Variants in LHPP observed in about 807,000 individuals in gnomAD.
LHPP encodes the protein hLHPP.
A neutral mutation model predicts 30.3 loss-of-function variants in LHPP; 24 were observed. The ratio of observed to expected loss-of-function variants is 0.79; its 90% CI spans 0.57 to 1.11. LHPP has a LOEUF of 1.11. Among genes scored for constraint, LHPP ranks in the 50% most tolerant of loss-of-function variants. The pLI is 0.00. For synonymous variants in LHPP, 150 were observed against 157.1 expected, an observed-to-expected ratio of 0.95 and a Z score of 0.34; for missense variants, 356 against 367.2, an observed-to-expected ratio of 0.97 and a Z score of 0.25.
Position 124,496,442 on chromosome 10 carries a change from C to G in LHPP, c.468-519C>G, listed in dbSNP as rs564166843. ...GTTGTCTTCTCATAAAAGCATCTGG[C>G]GCCCATGAAACCTGGCACCTCGCTT... On this transcript the variant is annotated intron_variant, in intron 3 of 6. Transcript: ENST00000368842. This position sits in a 1 kb window ranked among gnomAD's most constrained non-coding sequence, Gnocchi z 4.3. Among the ~76,000 whole-genome samples the G allele has an allele frequency of 6.6e-6, 1 of 152,180 alleles. No individual in the cohort carries two copies. The highest frequency in any genetic ancestry group is 1.5e-5 in the Non-Finnish European group (1 of 68,038).
chr10:124,595,343 A>G (rs1012801197), intron 6 of LHPP, among the ~76,000 whole-genome samples: 8 of 152,242 alleles, frequency 5.3e-5, no homozygotes, highest in Admixed American at 1.3e-4. Flanking sequence ...GTTGTCCCCC[A>G]TGGAGCCACA....
intron 6 of LHPP, among the ~76,000 whole-genome samples, chr10:124,594,470 G>A (rs1318171995): frequency 6.6e-6 from 1 of 151,876 alleles, no homozygotes; most frequent in East Asian, 1.9e-4. Context: ...GCACATATAA[G>A]TCTTCTCTTT....
chr10:124,561,535 CA>C (rs1280232829), intron 6 of LHPP, among the ~76,000 whole-genome samples: 1 of 152,004 alleles, frequency 6.6e-6, no homozygotes, highest in Admixed American at 6.5e-5. Flanking sequence ...CCGCCCCCCC[CA>C]CAACAGTGAC....
intron 6 of LHPP, among the ~76,000 whole-genome samples, chr10:124,551,776 C>T (rs11245285): frequency 0.23 from 35,426 of 152,154 alleles, 5,106 homozygotes; most frequent in Non-Finnish European, 0.31. Context: ...TCCCCTCCAC[C>T]TGCCGGCCTT....
chr10:124,493,573 G>T (rs909624064), intron 3 of LHPP: 2 of 152,226 alleles, frequency 1.3e-5, no homozygotes, highest in Non-Finnish European at 2.9e-5. Context: ...CTGTTTACCC[G>T]ACAGACTATG....
intron 6 of LHPP, among the ~76,000 whole-genome samples, chr10:124,542,795 T>C (rs922425058): frequency 6.6e-6 from 1 of 152,144 alleles, no homozygotes; most frequent in Non-Finnish European, 1.5e-5. Flanking sequence ...CCCTCTGCCC[T>C]CTCGCCTCCC....
intron 6 of LHPP, among the ~76,000 whole-genome samples, chr10:124,564,280 C>CGG (rs113375896): frequency 0.049 from 7,386 of 152,176 alleles, 546 homozygotes; most frequent in African/African-American, 0.16. Context: ...CGCAGCACCA[C>CGG]ACCCAGCTAA....
chr10:124,528,708 G>A (rs1954807310), intron 6 of LHPP, among the ~76,000 whole-genome samples: 2 of 152,204 alleles, frequency 1.3e-5, no homozygotes, highest in Non-Finnish European at 2.9e-5. Flanking sequence ...CACGGGAGGA[G>A]GCCCAACCCT....
At chr10:124,597,891 G>C (rs1948970292) in intron 6 of LHPP, among the ~76,000 whole-genome samples, 1 of 152,206 alleles carries the variant, frequency 6.6e-6, no homozygotes, top group Non-Finnish European at 1.5e-5. Context: ...ATCAAGCACA[G>C]CTGCAAGAGG....
chr10:124,547,788 A>G (rs1174108852), intron 6 of LHPP, among the ~76,000 whole-genome samples: 1 of 152,250 alleles, frequency 6.6e-6, no homozygotes, highest in Non-Finnish European at 1.5e-5. Context: ...TTCCAGTGAT[A>G]CAGCACTTCC....
At chr10:124,502,254 G>A (rs923110542) in intron 5 of LHPP, among the ~76,000 whole-genome samples, 2 of 151,974 alleles carry the variant, frequency 1.3e-5, no homozygotes, top group Non-Finnish European at 2.9e-5. Flanking sequence ...CTGGGGACAC[G>A]TTGCATGTAG....
chr10:124,477,861 C>T (rs1007228935), intron 1 of LHPP, among the ~76,000 whole-genome samples: 1 of 152,200 alleles, frequency 6.6e-6, no homozygotes, highest in African/African-American at 2.4e-5. Flanking sequence ...CGAGGATTCC[C>T]TGCAGCCCTA....
At chr10:124,565,841 C>T (rs577785046) in intron 6 of LHPP, among the ~76,000 whole-genome samples, 8 of 152,314 alleles carry the variant, frequency 5.3e-5, no homozygotes, top group Middle Eastern at 3.4e-3. Context: ...TGCTCCAGCC[C>T]GGCGTCGGGT....
At chr10:124,486,064 G>C (rs1953315836) in intron 2 of LHPP, among the ~76,000 whole-genome samples, 1 of 152,186 alleles carries the variant, frequency 6.6e-6, no homozygotes, top group Non-Finnish European at 1.5e-5. Context: ...ATACACTTCA[G>C]CATATCATTG....
chr10:124,497,088 C>T, intron 4 of LHPP, 64 bp downstream of exon 4: 1 of 1,321,142 alleles, frequency 7.6e-7, no homozygotes, highest in Non-Finnish European at 1.1e-6. Context: ...CTTTTTGGGT[C>T]TTTGTTGAGA....
chr10:124,611,737 C>A (rs1267760226), intron 6 of LHPP, among the ~76,000 whole-genome samples: 1 of 152,176 alleles, frequency 6.6e-6, no homozygotes, highest in Non-Finnish European at 1.5e-5. Flanking sequence ...CCATGACAGT[C>A]ATTTTAGGGT....
intron 6 of LHPP, among the ~76,000 whole-genome samples, chr10:124,568,465 G>A (rs1030380662): frequency 6.6e-6 from 1 of 152,168 alleles, no homozygotes; most frequent in African/African-American, 2.4e-5. Flanking sequence ...GTGAAACCGC[G>A]CGATGAGGCC....
intron 6 of LHPP, among the ~76,000 whole-genome samples, chr10:124,594,461 C>T (rs929676257): frequency 6.6e-6 from 1 of 152,002 alleles, no homozygotes; most frequent in African/African-American, 2.4e-5. Flanking sequence ...TGGGCACGTG[C>T]ACATATAAGT....
At chr10:124,556,122 G>A (rs1948294742) in intron 6 of LHPP, among the ~76,000 whole-genome samples, 1 of 151,882 alleles carries the variant, frequency 6.6e-6, no homozygotes, top group Non-Finnish European at 1.5e-5. Context: ...GTTCCCTCTT[G>A]AAAACTTCAG....
Sources: allele counts gnomAD v4.1 joint callset (sites outside exome capture counted in the v4.1 genomes callset), GRCh38; gene constraint gnomAD v4.1.1; non-coding constraint Gnocchi (gnomAD v3.1); transcripts MANE v1.5; gene names NCBI Gene and HGNC (gene_info 2026-07-23, HGNC 2026-07-21).